The following DCDC1 variants were observed in gnomAD, a reference collection of about 807,000 sequenced individuals.
DCDC1 encodes doublecortin domain-containing protein 1.
DCDC1 carries 200 observed loss-of-function variants against 178.3 expected under a neutral mutation model. That is an observed-to-expected ratio of 1.12 (90% CI 1.00 to 1.26). DCDC1 has a LOEUF of 1.26. DCDC1 is among the 50% of genes most tolerant of loss of function. The pLI is 0.00. For missense variants in DCDC1, 1,983 were observed against 1,749.2 expected (o/e 1.13, Z -2.38); for synonymous variants, 690 against 604.8 (o/e 1.14, Z -2.07).
chr11:31,150,750 C>T (rs201599283), intron 9 of DCDC1, among the ~76,000 whole-genome samples: 3 of 30,404 alleles, frequency 9.9e-5, no homozygotes, highest in Admixed American at 6.4e-4. Context: ...ATTGCTTTTT[C>T]CCTTATATCT....
chr11:31,253,356 A>AT lies in DCDC1; in HGVS notation c.1055-11741dup, dbSNP rs1357132704. 8.2e-3 allele frequency among the ~76,000 whole-genome samples: 1,099 copies of AT among 134,680 alleles called. 7 individuals are homozygous for AT. Among genetic ancestry groups the AT allele is most frequent in the African/African-American group, 0.013 (473 of 36,772 alleles). The allele number at this position is 134,680 out of a possible 152,430, so 88.4% of individuals were successfully genotyped here. A position where few individuals can be genotyped will look rare whatever the true frequency, so the allele number is the denominator to read the frequency against. ...CGTAGATATTAGGAGAGTTTTGGAG[A>AT]TTTTTTTTTTTTTTTTTTGAGATGG... On this transcript the variant is annotated intron_variant, in intron 8 of 38. Coordinates refer to ENST00000684477, the MANE Select transcript of DCDC1 (RefSeq NM_001387274.1).
chr11:31,283,562 T>A (rs1284842202), intron 7 of DCDC1, among the ~76,000 whole-genome samples: 2 of 152,092 alleles, frequency 1.3e-5, no homozygotes, highest in Admixed American at 1.3e-4. Flanking sequence ...TTTCTATTGA[T>A]CAACTTTTCT....
rs77604631 is a variant in DCDC1 at position 31,130,717 on chromosome 11, A to C, written c.1315-3078T>G. On this transcript the variant is annotated intron_variant, in intron 10 of 38. Transcript: ENST00000684477. ...GTAGGTTACTAAGAGTCAGCCTTTA[A>C]CTGTAAATTCAAATGAGAGTCTAGA... Among the ~76,000 whole-genome samples the C allele has an allele frequency of 7.9e-3, 1,203 of 152,294 alleles. 15 individuals carry two copies. Among genetic ancestry groups the C allele is most frequent in the African/African-American group, 0.027 (1,130 of 41,552 alleles).
chr11:31,095,678 T>A (rs1236570168), intron 15 of DCDC1, among the ~76,000 whole-genome samples: 5 of 152,102 alleles, frequency 3.3e-5, no homozygotes, highest in African/African-American at 1.2e-4. Context: ...TGCACCCACA[T>A]CTCCTGTGTT....
chr11:31,343,073 T>C (rs762013819), intron 1 of DCDC1, among the ~76,000 whole-genome samples: 2 of 151,992 alleles, frequency 1.3e-5, no homozygotes, highest in Non-Finnish European at 2.9e-5. Context: ...CAAGGCCAGG[T>C]TGGACAAAAT....
chr11:31,305,868 G>A lies in DCDC1; in HGVS notation c.592-91C>T, dbSNP rs1403073609. ...ACAAAAGGTTCTAATGATCAAAATA[G>A]AAACCCAATTGAGTCACTTGCCAAT... On this transcript the variant is annotated intron_variant, in intron 5 of 38. Transcript: ENST00000684477. The A allele has an allele frequency of 2.8e-6, 4 of 1,432,306 alleles. No individual in the cohort carries two copies. In the African/African-American group the frequency reaches 5.7e-5, roughly 21 times the overall value. The allele number at this position is 1,432,306 out of a possible 1,614,324, so 88.7% of individuals were successfully genotyped here.
Position 30,900,460 on chromosome 11 carries a change from T to C in DCDC1, c.4549A>G (p.Lys1517Glu). The C allele has an allele frequency of 6.4e-7, 1 of 1,552,188 alleles. No individual in the cohort carries two copies. Among genetic ancestry groups the C allele is most frequent in the South Asian group, 1.3e-5 (1 of 79,386 alleles). Residue 1517 changes from lysine to glutamate, a missense_variant, in exon 33 of 39, where the codon AAA (lysine) becomes GAA (glutamate). Transcript: ENST00000684477. ...RMKVKNRLFA[K>E]SVTSDSLDGI... The stretch of plus-strand genomic sequence containing the variant: ...TCCAAACTATCGGATGTCACAGATT[T>C]TGCAAATAATCTGTTTTTCACTTTC...
At chr11:30,940,258 C>A (rs896027697) in intron 21 of DCDC1, among the ~76,000 whole-genome samples, 2 of 152,018 alleles carry the variant, frequency 1.3e-5, no homozygotes, top group Admixed American at 6.6e-5. Flanking sequence ...AATCATCAGG[C>A]CTCCCAGACA....
intron 23 of DCDC1, among the ~76,000 whole-genome samples, chr11:30,923,643 G>T (rs1329798547): frequency 2.7e-5 from 4 of 150,668 alleles, no homozygotes; most frequent in Non-Finnish European, 4.4e-5. Context: ...ATTTGAGATG[G>T]AGTCTCACTC....
intron 1 of DCDC1, among the ~76,000 whole-genome samples, chr11:31,364,842 A>C (rs1054425720): frequency 2.0e-5 from 3 of 152,060 alleles, no homozygotes; most frequent in African/African-American, 7.2e-5. Context: ...TCTGTCAAAA[A>C]AAAAAAAAAG....
Position 31,263,014 on chromosome 11 carries a change from G to A in DCDC1, c.1054+2493C>T, listed in dbSNP as rs752789070. 10 of 1,607,212 alleles carry A rather than the reference G, an allele frequency of 6.2e-6. No individual in the cohort carries two copies. In the South Asian group the frequency reaches 8.9e-5, roughly 14 times the overall value. On this transcript the variant is annotated intron_variant, in intron 8 of 38. Coordinates refer to ENST00000684477, the MANE Select transcript of DCDC1 (RefSeq NM_001387274.1). Reference sequence around the variant, plus strand: ...CACTTCTGGGATACGTGAAGCACGAGTCATGAATCCGAATGCCTCTGGCAT... The same window carrying A: ...CACTTCTGGGATACGTGAAGCACGAATCATGAATCCGAATGCCTCTGGCAT...
At chr11:31,206,705 G>A (rs1315165166) in intron 9 of DCDC1, among the ~76,000 whole-genome samples, 3 of 152,090 alleles carry the variant, frequency 2.0e-5, no homozygotes, top group East Asian at 1.9e-4. Context: ...GTGAGCCACC[G>A]CGCCTGGCCC....
At chr11:31,243,206 C>T (rs945671197) in intron 8 of DCDC1, among the ~76,000 whole-genome samples, 11 of 151,448 alleles carry the variant, frequency 7.3e-5, no homozygotes, top group Admixed American at 3.3e-4. Flanking sequence ...ACTCTTCAAC[C>T]TTTAAAAATG....
chr11:31,200,556 A>G (rs1040272461), intron 9 of DCDC1, among the ~76,000 whole-genome samples: 1 of 152,120 alleles, frequency 6.6e-6, no homozygotes, highest in Admixed American at 6.5e-5. Flanking sequence ...ACACAAGTCA[A>G]TTGTTAGATC....
Position 30,875,307 on chromosome 11 carries a change from T to C in DCDC1, c.*40+3237A>G, listed in dbSNP as rs112478182. Among the ~76,000 whole-genome samples, 646 of 152,298 alleles carry C rather than the reference T, an allele frequency of 4.2e-3. 8 individuals are homozygous for C. The highest frequency in any genetic ancestry group is 0.015 in the African/African-American group (615 of 41,574). Reference sequence around the variant, plus strand: ...GAACAAAACTGTTACTCTTTCATTCTACTTACCTAGCCTCGTAGAGGGGAC... The same window carrying C: ...GAACAAAACTGTTACTCTTTCATTCCACTTACCTAGCCTCGTAGAGGGGAC... On this transcript the variant is annotated intron_variant, in intron 38 of 38. Coordinates refer to ENST00000684477, the MANE Select transcript of DCDC1 (RefSeq NM_001387274.1).
At chr11:30,888,554 C>T (rs1943511862) in intron 36 of DCDC1, among the ~76,000 whole-genome samples, 1 of 152,048 alleles carries the variant, frequency 6.6e-6, no homozygotes, top group Non-Finnish European at 1.5e-5. Flanking sequence ...CCCATCTCTA[C>T]TAAAAATACA....
At chr11:31,088,672 C>G (rs192140981) in intron 17 of DCDC1, among the ~76,000 whole-genome samples, 1 of 152,040 alleles carries the variant, frequency 6.6e-6, no homozygotes, top group Non-Finnish European at 1.5e-5. Flanking sequence ...TTTAAACAAT[C>G]AATTATTTTT....
intron 7 of DCDC1, among the ~76,000 whole-genome samples, chr11:31,279,734 C>G (rs1307638819): frequency 6.6e-6 from 1 of 151,958 alleles, no homozygotes; most frequent in Non-Finnish European, 1.5e-5. Flanking sequence ...CACAGCCTGT[C>G]AGGGGGTGGG....
At chr11:30,900,209 C>A in intron 33 of DCDC1, 137 bp downstream of exon 33, 1 of 832,902 alleles carries the variant, frequency 1.2e-6, no homozygotes, top group Non-Finnish European at 1.7e-6. Flanking sequence ...GTTGATGAAC[C>A]TTCTGTTCTT....
Sources: gnomAD v4.1 joint callset for allele counts (sites outside exome capture counted in the v4.1 genomes callset) on GRCh38, gnomAD v4.1.1 for gene constraint, MANE v1.5 for transcripts, NCBI Gene and HGNC (gene_info 2026-07-23, HGNC 2026-07-21) for gene names.